LRRTM3: variants seen among roughly 807,000 people sequenced by gnomAD.
LRRTM3 encodes leucine rich repeat transmembrane neuronal 3.
In LRRTM3, 24 loss-of-function variants were observed where a neutral mutation model predicts 44.7. The ratio of observed to expected loss-of-function variants is 0.54; its 90% CI spans 0.39 to 0.76. The LOEUF is 0.76. LRRTM3 is among the 30% of genes least tolerant of loss of function. The pLI is 0.00. For missense variants in LRRTM3, 587 were observed against 702.2 expected (o/e 0.84, Z 1.85); for synonymous variants, 277 against 278.7 (o/e 0.99, Z 0.06).
chr10:67,034,366 C>CAT (rs1387070236), intron 2 of LRRTM3, among the ~76,000 whole-genome samples: 1 of 152,182 alleles, frequency 6.6e-6, no homozygotes, highest in Non-Finnish European at 1.5e-5. Context: ...GATGAGGATA[C>CAT]AATGCCCAAT....
At chr10:67,026,281 G>GA (rs903466614) in intron 2 of LRRTM3, among the ~76,000 whole-genome samples, 1 of 151,676 alleles carries the variant, frequency 6.6e-6, no homozygotes, top group Non-Finnish European at 1.5e-5. Flanking sequence ...AAAAAAGAGA[G>GA]AAAAAAATAC....
At chr10:67,066,041 TGATCTATGAGGTTA>T (rs1431348999) in intron 2 of LRRTM3, among the ~76,000 whole-genome samples, 2 of 152,116 alleles carry the variant, frequency 1.3e-5, no homozygotes, top group Non-Finnish European at 2.9e-5. Context: ...AGAGAACTGA[TGATCTATGAGGTTA>T]TTTAGGGTCT....
At chr10:67,034,830 C>T (rs1200874095) in intron 2 of LRRTM3, among the ~76,000 whole-genome samples, 1 of 152,180 alleles carries the variant, frequency 6.6e-6, no homozygotes, top group Non-Finnish European at 1.5e-5. Context: ...CTACCATTTG[C>T]TTCAGATGCA....
chr10:66,949,746 C>G (rs1362036305), intron 2 of LRRTM3, among the ~76,000 whole-genome samples: 2 of 152,126 alleles, frequency 1.3e-5, no homozygotes, highest in Non-Finnish European at 2.9e-5. Flanking sequence ...AGCAGACTTG[C>G]TAGACACAGG....
intron 2 of LRRTM3, among the ~76,000 whole-genome samples, chr10:67,074,478 G>A (rs1447089627): frequency 6.7e-6 from 1 of 150,142 alleles, no homozygotes; most frequent in Admixed American, 6.7e-5. Context: ...AGCCTCCCGA[G>A]TAGCTGGGAC....
chr10:66,972,107 T>C (rs1005872396), intron 2 of LRRTM3, among the ~76,000 whole-genome samples: 1 of 152,186 alleles, frequency 6.6e-6, no homozygotes, highest in Admixed American at 6.5e-5. Flanking sequence ...AGTGTTGCCA[T>C]AGCACACCTA....
chr10:66,988,830 T>C (rs1168497868), intron 2 of LRRTM3, among the ~76,000 whole-genome samples: 1 of 151,968 alleles, frequency 6.6e-6, no homozygotes, highest in African/African-American at 2.4e-5. Context: ...ATAAACCTCT[T>C]TCCTGAAACT....
At chr10:66,993,177 A>G (rs913760545) in intron 2 of LRRTM3, among the ~76,000 whole-genome samples, 31 of 152,146 alleles carry the variant, frequency 2.0e-4, no homozygotes, top group African/African-American at 6.8e-4. Flanking sequence ...GGGGTTTTCA[A>G]CTAAAGCCTT....
In LRRTM3 at chr10:67,067,223, A is replaced by G. The variant is rs541756983; in HGVS notation, c.1537-30364A>G. On this transcript the variant is annotated intron_variant, in intron 2 of 2. Coordinates refer to ENST00000361320, the MANE Select transcript of LRRTM3 (RefSeq NM_178011.5). ...ATACCACAGAAGTGAAACAATTTTTAAGTATGTGTGTATATTTATATATTT... is the reference window on the plus strand; with the variant it reads ...ATACCACAGAAGTGAAACAATTTTTGAGTATGTGTGTATATTTATATATTT... Among the ~76,000 whole-genome samples the G allele has an allele frequency of 4.6e-5, 7 of 152,300 alleles. No homozygotes were observed. The South Asian group carries it at 8.3e-4, about 18-fold the overall frequency.
chr10:66,978,159 T>C (rs1998753), intron 2 of LRRTM3, among the ~76,000 whole-genome samples: 141,933 of 151,744 alleles, frequency 0.94, 66,882 homozygotes, highest in East Asian at 1. Flanking sequence ...ATTCAATAGG[T>C]ATAAAATTTC....
At position 66,943,548 on chromosome 10, in the gene LRRTM3, C is replaced by T. The variant is rs574728255; in HGVS notation, c.1536+15096C>T. 6.0e-5 allele frequency among the ~76,000 whole-genome samples: 9 copies of T among 149,308 alleles called. 1 individual carries two copies. Among genetic ancestry groups the T allele is most frequent in the African/African-American group, 1.7e-4 (7 of 40,662 alleles). ...TTTTTTTTTTCAGTATTAGCATTGG[C>T]TTCCAGTTAACACTAAGCACAGCCT... is the stretch of plus-strand genomic sequence containing the variant. On this transcript the variant is annotated intron_variant, in intron 2 of 2. Coordinates refer to ENST00000361320, the MANE Select transcript of LRRTM3 (RefSeq NM_178011.5).
intron 2 of LRRTM3, among the ~76,000 whole-genome samples, chr10:67,080,470 T>G (rs1483390477): frequency 6.6e-6 from 1 of 152,188 alleles, no homozygotes; most frequent in Non-Finnish European, 1.5e-5. Flanking sequence ...GGTCCCAGCA[T>G]CGCAATACAT....
intron 2 of LRRTM3, among the ~76,000 whole-genome samples, chr10:66,973,982 A>G (rs1003669448): frequency 6.6e-6 from 1 of 152,200 alleles, no homozygotes; most frequent in African/African-American, 2.4e-5. Flanking sequence ...TGCATAAAGT[A>G]TACGGTTTAA....
At chr10:67,086,886 T>C (rs1857342700) in intron 2 of LRRTM3, among the ~76,000 whole-genome samples, 1 of 152,014 alleles carries the variant, frequency 6.6e-6, no homozygotes, top group Admixed American at 6.6e-5. Context: ...ACCAAAAACA[T>C]TAACTGATGT....
intron 2 of LRRTM3, among the ~76,000 whole-genome samples, chr10:67,068,719 A>T (rs1856246883): frequency 6.6e-6 from 1 of 152,212 alleles, no homozygotes; most frequent in African/African-American, 2.4e-5. Context: ...AAAAAGACTA[A>T]AATAATCCAT....
chr10:67,055,625 A>G (rs1855380995), intron 2 of LRRTM3, among the ~76,000 whole-genome samples: 1 of 152,198 alleles, frequency 6.6e-6, no homozygotes, highest in Admixed American at 6.5e-5. Context: ...TTGAAGGCAG[A>G]CAATGCTTCA....
intron 2 of LRRTM3, among the ~76,000 whole-genome samples, chr10:67,064,493 T>C (rs975459341): frequency 6.6e-6 from 1 of 152,242 alleles, no homozygotes; most frequent in African/African-American, 2.4e-5. Context: ...CAATAAATTT[T>C]ACATCATCTA....
intron 2 of LRRTM3, among the ~76,000 whole-genome samples, chr10:66,932,822 C>G (rs928251444): frequency 6.6e-6 from 1 of 152,064 alleles, no homozygotes; most frequent in Non-Finnish European, 1.5e-5. Context: ...TTAATACTAC[C>G]AATAAAATCT....
At chr10:66,973,044 T>C (rs1208312859) in intron 2 of LRRTM3, among the ~76,000 whole-genome samples, 1 of 152,218 alleles carries the variant, frequency 6.6e-6, no homozygotes, top group Non-Finnish European at 1.5e-5. Context: ...AAATATGCTA[T>C]AATAGTAATA....
Sources: gnomAD v4.1 joint callset for allele counts (sites outside exome capture counted in the v4.1 genomes callset) on GRCh38, gnomAD v4.1.1 for gene constraint, MANE v1.5 for transcripts, NCBI Gene and HGNC (gene_info 2026-07-23, HGNC 2026-07-21) for gene names.